Variants in CCDC92 observed in about 807,000 individuals in gnomAD.
CCDC92 encodes the protein coiled-coil domain containing 92, also known as coiled-coil domain-containing protein 92.
CCDC92 carries 12 observed loss-of-function variants against 24.9 expected under a neutral mutation model. The observed-to-expected ratio is 0.48, with a 90% CI of 0.31 to 0.78. The LOEUF (loss-of-function observed/expected upper bound fraction) is 0.78. Ranked by LOEUF, CCDC92 falls within the 30% of genes least tolerant of loss-of-function variation. CCDC92 has a pLI of 0.05. For missense variants in CCDC92, 399 were observed against 439.4 expected (o/e 0.91, Z 0.82); for synonymous variants, 193 against 196.3 (o/e 0.98, Z 0.14).
intron 1 of CCDC92, among the ~76,000 whole-genome samples, chr12:123,958,348 C>T (rs187050059): frequency 1.2e-4 from 18 of 152,310 alleles, no homozygotes; most frequent in Non-Finnish European, 4.4e-5. Context: ...CCACCACGCC[C>T]GGCCAATTAA....
chr12:123,948,015 C>T lies in CCDC92; in HGVS notation c.-59-3651G>A, dbSNP rs537240774. Among the ~76,000 whole-genome samples, 41 of 152,256 alleles carry T rather than the reference C, an allele frequency of 2.7e-4. 1 individual carries two copies. Among genetic ancestry groups the T allele is most frequent in the Non-Finnish European group, 4.9e-4 (33 of 68,026 alleles). ...CATCAGAAGGAACAAACTCCAGATG[C>T]GCCACCTTAAGAGCTGTAACACTCA... On this transcript the variant is annotated intron_variant, in intron 1 of 4. Coordinates refer to ENST00000238156, the MANE Select transcript of CCDC92 (RefSeq NM_025140.3).
intron 1 of CCDC92, among the ~76,000 whole-genome samples, chr12:123,950,847 A>G (rs563033547): frequency 1.3e-5 from 2 of 152,280 alleles, no homozygotes; most frequent in East Asian, 3.9e-4. Flanking sequence ...CCTTGGCACA[A>G]GTTTTCATGG....
At chr12:123,954,005 C>T (rs1401853119) in intron 1 of CCDC92, among the ~76,000 whole-genome samples, 1 of 152,134 alleles carries the variant, frequency 6.6e-6, no homozygotes, top group African/African-American at 2.4e-5. Flanking sequence ...AGATGGTGGA[C>T]TCGGTGATTT....
At chr12:123,953,214 C>T (rs1956067869) in intron 1 of CCDC92, among the ~76,000 whole-genome samples, 1 of 145,320 alleles carries the variant, frequency 6.9e-6, no homozygotes, top group African/African-American at 2.6e-5. Flanking sequence ...TCTCTAAAAG[C>T]TAGAAGAGGA....
chr12:123,941,303 C>T (rs1184487882), intron 4 of CCDC92, among the ~76,000 whole-genome samples: 1 of 152,202 alleles, frequency 6.6e-6, no homozygotes, highest in Non-Finnish European at 1.5e-5. Context: ...TATCCCTCCA[C>T]AGGGAGACTT....
Position 123,936,460 on chromosome 12 carries a change from T to TAACA in CCDC92, c.*594_*597dup, listed in dbSNP as rs910548592. ...GGATCTTAAACATTTTGGATAAAAC[T>TAACA]AACAAAAAAATATGAACACACATTC... On this transcript the variant is annotated 3_prime_UTR_variant, in exon 5 of 5. Transcript: ENST00000238156. 2.0e-5 allele frequency: 3 copies of TAACA among 153,178 alleles called. No homozygotes were observed. Among genetic ancestry groups the TAACA allele is most frequent in the African/African-American group, 2.4e-5 (1 of 41,472 alleles). 9.5% of individuals were successfully genotyped at this position (153,178 alleles called of 1,614,324 possible). A position where few individuals can be genotyped will look rare whatever the true frequency, so the allele number is the denominator to read the frequency against.
chr12:123,945,409 ACTGT>A (rs933961128), intron 1 of CCDC92: 2 of 151,904 alleles, frequency 1.3e-5, no homozygotes, highest in African/African-American at 4.8e-5. Flanking sequence ...AGATCCCAAC[ACTGT>A]CTGCACAGCA....
intron 1 of CCDC92, among the ~76,000 whole-genome samples, chr12:123,964,017 T>C (rs1005474508): frequency 1.3e-5 from 2 of 152,216 alleles, no homozygotes; most frequent in African/African-American, 4.8e-5. Context: ...GAAATGAAAG[T>C]ACAGGTTCCA....
chr12:123,949,719 A>G (rs920121880), intron 1 of CCDC92, among the ~76,000 whole-genome samples: 2 of 152,246 alleles, frequency 1.3e-5, no homozygotes, highest in Non-Finnish European at 2.9e-5. Flanking sequence ...GAAAGTTAAT[A>G]CTCAAAAAAG....
chr12:123,937,764 A>G lies in CCDC92; in HGVS notation c.290T>C (p.Val97Ala). 1 of 1,613,762 alleles carries G rather than the reference A, an allele frequency of 6.2e-7. No individual in the cohort carries two copies. The highest frequency in any genetic ancestry group is 8.5e-7 in the Non-Finnish European group (1 of 1,180,006). Reference protein sequence around the residue: ...RCEELEAQLKVKENENAELLK... With the variant: ...RCEELEAQLKAKENENAELLK... ...CAACTCAGCATTTTCGTTCTCTTTC[A>G]CTTTCAGTTGGGCTTCCAGCTCTTC... is the stretch of plus-strand genomic sequence containing the variant. Residue 97 changes from valine (V) to alanine (A), a missense_variant, in exon 5 of 5, where the codon GTG becomes GCG. By Grantham distance (64) the Val-to-Ala change is moderately conservative. Coordinates refer to ENST00000238156, the MANE Select transcript of CCDC92 (RefSeq NM_025140.3). This position sits in a 1 kb window ranked among gnomAD's most constrained non-coding sequence, Gnocchi z 8.4.
intron 1 of CCDC92, chr12:123,971,402 A>G (rs1010591722): frequency 6.6e-6 from 1 of 150,912 alleles, no homozygotes; most frequent in African/African-American, 2.5e-5. Context: ...GAGAAAATGC[A>G]TGGGAATTCT....
intron 1 of CCDC92, among the ~76,000 whole-genome samples, chr12:123,957,406 C>G (rs1369105312): frequency 6.6e-6 from 1 of 152,162 alleles, no homozygotes; most frequent in African/African-American, 2.4e-5. Flanking sequence ...GAGGCAGCTT[C>G]CATCTTTGCA....
chr12:123,941,837 C>CTT (rs1955694374), intron 4 of CCDC92, among the ~76,000 whole-genome samples: 1 of 152,222 alleles, frequency 6.6e-6, no homozygotes, highest in East Asian at 1.9e-4. Flanking sequence ...TCGGGTCAAG[C>CTT]TTAGAATGTG....
rs776939007 is a variant in CCDC92, at chr12:123,937,079, T to C, written c.975A>G (p.Ser325=). 3.7e-6 allele frequency: 6 copies of C among 1,613,982 alleles called. No individual in the cohort carries two copies. The Admixed American group carries it at 1.0e-4, about 27-fold the overall frequency. Residue 325 remains serine (S), a synonymous_variant, in exon 5 of 5, where the codon TCA becomes TCG. Transcript: ENST00000238156. The surrounding 1 kb of genome is among the most constrained non-coding windows in gnomAD (Gnocchi z 8.4). Reference sequence around the variant, plus strand: ...GGCTTCACACAGTTCTGTCCGTCCCTGAGTGCTTCCTCACCACCTTGCCTC... The same window carrying C: ...GGCTTCACACAGTTCTGTCCGTCCCCGAGTGCTTCCTCACCACCTTGCCTC... ...VNGGKVVRKH[S]GTDRTV
In CCDC92 at chr12:123,937,077, C is replaced by T; in HGVS notation, c.977G>A (p.Gly326Glu). The change falls in exon 5 of 5, where the codon GGG (glycine) becomes GAG (glutamate). Residue 326 changes from glycine to glutamate, a missense_variant. Gly to Glu is a moderately conservative substitution (Grantham distance 98, BLOSUM62 -2). Coordinates refer to ENST00000238156, the MANE Select transcript of CCDC92 (RefSeq NM_025140.3). This position sits in a 1 kb window ranked among gnomAD's most constrained non-coding sequence, Gnocchi z 8.4. ...CGGGCTTCACACAGTTCTGTCCGTC[C>T]CTGAGTGCTTCCTCACCACCTTGCC... Reference protein sequence around the residue: ...NGGKVVRKHSGTDRTV With the variant: ...NGGKVVRKHSETDRTV 1.2e-6 allele frequency: 2 copies of T among 1,613,912 alleles called. No homozygotes were observed. Among genetic ancestry groups the T allele is most frequent in the East Asian group, 2.2e-5 (1 of 44,870 alleles).
chr12:123,969,689 C>G (rs1291047556), intron 1 of CCDC92, among the ~76,000 whole-genome samples: 1 of 151,908 alleles, frequency 6.6e-6, no homozygotes, highest in African/African-American at 2.4e-5. Flanking sequence ...GTCTTGATCT[C>G]TTGACCTCGT....
In CCDC92 at chr12:123,937,179, G is replaced by A. The variant is rs1955528509; in HGVS notation, c.875C>T (p.Ala292Val). ...EKPHKAHVGVAHRIHHATPPQ... is the reference protein window; with the variant it reads ...EKPHKAHVGVVHRIHHATPPQ... ...CGGGGTGGCGTGGTGGATCCGATGTGCCACCCCGACGTGGGCCTTGTGCGG... is the reference window on the plus strand; with the variant it reads ...CGGGGTGGCGTGGTGGATCCGATGTACCACCCCGACGTGGGCCTTGTGCGG... Residue 292 changes from alanine to valine, a missense_variant, in exon 5 of 5, where the codon GCA (alanine) becomes GTA (valine). Coordinates refer to ENST00000238156, the MANE Select transcript of CCDC92 (RefSeq NM_025140.3). The surrounding 1 kb of genome is among the most constrained non-coding windows in gnomAD (Gnocchi z 8.4). 6.2e-7 allele frequency: 1 copy of A among 1,610,052 alleles called. No individual in the cohort carries two copies. The highest frequency in any genetic ancestry group is 8.5e-7 in the Non-Finnish European group (1 of 1,179,708).
chr12:123,959,312 G>C (rs539517930), intron 1 of CCDC92, among the ~76,000 whole-genome samples: 2 of 152,074 alleles, frequency 1.3e-5, no homozygotes, highest in South Asian at 4.1e-4. Context: ...ATGTCTGACT[G>C]CCAGGCTTGC....
rs1336225229 is a variant in CCDC92 at position 123,972,667 on chromosome 12, G to A, written c.-198C>T. 1.4e-5 allele frequency: 2 copies of A among 147,282 alleles called. No homozygotes were observed. Among genetic ancestry groups the A allele is most frequent in the Non-Finnish European group, 3.0e-5 (2 of 66,158 alleles). 9.1% of individuals were successfully genotyped at this position (147,282 alleles called of 1,614,324 possible). Reference sequence around the variant, plus strand: ...GGCTGCCTGGGCTCGGGCGCTGCCCGGGCCGGGCCGCCGAGGGAGGTCAGT... The same window carrying A: ...GGCTGCCTGGGCTCGGGCGCTGCCCAGGCCGGGCCGCCGAGGGAGGTCAGT... On this transcript the variant is annotated 5_prime_UTR_variant, in exon 1 of 5. Coordinates refer to ENST00000238156, the MANE Select transcript of CCDC92 (RefSeq NM_025140.3).
Sources: gnomAD v4.1 joint callset for allele counts (sites outside exome capture counted in the v4.1 genomes callset) on GRCh38, gnomAD v4.1.1 for gene constraint, Gnocchi (gnomAD v3.1) non-coding constraint, MANE v1.5 for transcripts, NCBI Gene and HGNC (gene_info 2026-07-23, HGNC 2026-07-21) for gene names.